Variants in TSPEAR observed in about 807,000 individuals in gnomAD.
The protein encoded by TSPEAR is thrombospondin-type laminin G domain and EAR repeat-containing protein.
In TSPEAR, 69 loss-of-function variants were observed where a neutral mutation model predicts 71.6. That is an observed-to-expected ratio of 0.96 (90% CI 0.79 to 1.18). TSPEAR has a LOEUF of 1.18. Ranked by LOEUF, TSPEAR falls within the 50% of genes most tolerant of loss-of-function variation. The pLI, the probability that TSPEAR is intolerant of heterozygous loss-of-function variation, is 0.00. For missense variants in TSPEAR, 971 were observed against 894.9 expected, an observed-to-expected ratio of 1.09 and a Z score of -1.09; for synonymous variants, 402 against 387.2, an observed-to-expected ratio of 1.04 and a Z score of -0.45.
intron 1 of TSPEAR, chr21:44,628,110 C>T: frequency 6.4e-7 from 1 of 1,561,796 alleles, no homozygotes. Flanking sequence ...GTCCTTGGAC[C>T]TCCCAGCCCA....
At chr21:44,633,178 G>A (rs765227352) in intron 1 of TSPEAR, among the ~76,000 whole-genome samples, 1 of 151,994 alleles carries the variant, frequency 6.6e-6, no homozygotes, top group Admixed American at 6.6e-5. Context: ...CTAATTTTAG[G>A]CTTCGTTGGT....
chr21:44,580,537 A>G lies in TSPEAR; in HGVS notation c.83-12532T>C, dbSNP rs5017209. Reference sequence around the variant, plus strand: ...GGCAGTCGTCCACTCGCCAGGAGTCAGAGCAAGCGCTGGAGCAGACGGACA... The same window carrying G: ...GGCAGTCGTCCACTCGCCAGGAGTCGGAGCAAGCGCTGGAGCAGACGGACA... On this transcript the variant is annotated intron_variant, in intron 1 of 11. Transcript: ENST00000323084. 7.1e-3 allele frequency: 11,499 copies of G among 1,613,710 alleles called. 461 individuals carry two copies. The African/African-American group carries it at 0.099, about 14-fold the overall frequency.
intron 1 of TSPEAR, chr21:44,591,121 G>T (rs1555926449): frequency 1.7e-6 from 1 of 589,720 alleles, no homozygotes; most frequent in Non-Finnish European, 3.1e-6. Context: ...TGAGACAGAG[G>T]CGGCTTTATT....
At chr21:44,653,181 C>A (rs1183586468) in intron 1 of TSPEAR, among the ~76,000 whole-genome samples, 1 of 152,032 alleles carries the variant, frequency 6.6e-6, no homozygotes, top group East Asian at 1.9e-4. Context: ...ATAAATGATG[C>A]TAGTCCTTGC....
intron 1 of TSPEAR, chr21:44,675,813 A>G: frequency 3.5e-6 from 2 of 578,730 alleles, no homozygotes; most frequent in Admixed American, 6.0e-5. Context: ...CCCTTCATGT[A>G]TCACTGCTGA....
intron 11 of TSPEAR, among the ~76,000 whole-genome samples, chr21:44,500,374 A>T (rs1555910995): frequency 1.3e-5 from 2 of 152,174 alleles, no homozygotes; most frequent in African/African-American, 4.8e-5. Context: ...GCCCCACGTC[A>T]GGGGCTGCCC....
intron 1 of TSPEAR, among the ~76,000 whole-genome samples, chr21:44,645,219 A>G (rs1984246565): frequency 1.3e-5 from 2 of 152,232 alleles, no homozygotes; most frequent in South Asian, 2.1e-4. Flanking sequence ...TCCAGAGTGC[A>G]GCTTCAAATA....
In TSPEAR at chr21:44,609,495, A is replaced by G. The variant is rs140779661; in HGVS notation, c.83-41490T>C. On this transcript the variant is annotated intron_variant, in intron 1 of 11. Coordinates refer to ENST00000323084, the MANE Select transcript of TSPEAR (RefSeq NM_144991.3). ...CAACATCAGAGAGAGATGAATGAAA[A>G]TCCAAAGACAAGAGTGAAGGGAGAT... Among the ~76,000 whole-genome samples, 852 of 152,340 alleles carry G rather than the reference A, an allele frequency of 5.6e-3. 11 individuals carry two copies. Among genetic ancestry groups the G allele is most frequent in the Non-Finnish European group, 7.0e-3 (478 of 68,034 alleles).
At chr21:44,615,643 G>A (rs1477345923) in intron 1 of TSPEAR, among the ~76,000 whole-genome samples, 1 of 150,122 alleles carries the variant, frequency 6.7e-6, no homozygotes, top group Non-Finnish European at 1.5e-5. Context: ...GGGTCTCTCT[G>A]CAGGTGCCTC....
At position 44,533,842 on chromosome 21, in the gene TSPEAR, G is replaced by C; in HGVS notation, c.385C>G (p.His129Asp). ...LGLRLSPAQLHFLFLREDTAG... is the reference protein window; with the variant it reads ...LGLRLSPAQLDFLFLREDTAG... The stretch of plus-strand genomic sequence containing the variant: ...GTGTCCTCGCGAAGGAACAGGAAGT[G>C]CAGCTGGGCAGGTGACAACCGCAGG... The change falls in exon 3 of 12, where the codon CAC (histidine) becomes GAC (aspartate). Residue 129 changes from histidine to aspartate, a missense_variant. His to Asp is a moderately conservative substitution (Grantham distance 81, BLOSUM62 -1). Transcript: ENST00000323084. 1 of 1,612,568 alleles carries C rather than the reference G, an allele frequency of 6.2e-7. No homozygotes were observed. The highest frequency in any genetic ancestry group is 8.5e-7 in the Non-Finnish European group (1 of 1,179,930).
intron 1 of TSPEAR, chr21:44,676,498 C>T: frequency 1.2e-6 from 1 of 820,866 alleles, no homozygotes; most frequent in Non-Finnish European, 2.1e-6. Context: ...GTGTTCGATT[C>T]CTCTGAGTCT....
chr21:44,521,741 C>T (rs587675650), intron 9 of TSPEAR, 142 bp downstream of exon 9: 1 of 760,746 alleles, frequency 1.3e-6, no homozygotes, highest in East Asian at 2.7e-5. Flanking sequence ...CAGGCCCTGC[C>T]TGGGTTTTGG....
chr21:44,608,440 G>C (rs1981449017), intron 1 of TSPEAR, among the ~76,000 whole-genome samples: 1 of 152,144 alleles, frequency 6.6e-6, no homozygotes, highest in Non-Finnish European at 1.5e-5. Context: ...GCAACCAATT[G>C]GGACTTTTGT....
At chr21:44,583,792 C>T (rs1293707841) in intron 1 of TSPEAR, among the ~76,000 whole-genome samples, 3 of 38,510 alleles carry the variant, frequency 7.8e-5, no homozygotes, top group Non-Finnish European at 4.0e-4. Flanking sequence ...TACATGTACA[C>T]ATTGTGTGAT....
At chr21:44,509,836 G>A in intron 9 of TSPEAR, 1 of 184,118 alleles carries the variant, frequency 5.4e-6, no homozygotes, top group South Asian at 1.1e-4. Context: ...CCAGTGCTGT[G>A]CGTCCTACGA....
In TSPEAR at chr21:44,499,667, T is replaced by C; in HGVS notation, c.*116A>G. 1 of 1,156,412 alleles carries C rather than the reference T, an allele frequency of 8.6e-7. No individual in the cohort carries two copies. The highest frequency in any genetic ancestry group is 1.2e-6 in the Non-Finnish European group (1 of 854,070). The allele number at this position is 1,156,412 out of a possible 1,614,324, so 71.6% of individuals were successfully genotyped here. A position where few individuals can be genotyped will look rare whatever the true frequency, so the allele number is the denominator to read the frequency against. On this transcript the variant is annotated 3_prime_UTR_variant, in exon 12 of 12. Transcript: ENST00000323084. ...ATGGCCCCACCTGCACCCTGCCTGA[T>C]GCCCAGGCCCGGGATGCCCTAGGCT...
chr21:44,610,477 T>C (rs1291588686), intron 1 of TSPEAR, among the ~76,000 whole-genome samples: 7 of 152,216 alleles, frequency 4.6e-5, no homozygotes, highest in Non-Finnish European at 8.8e-5. Flanking sequence ...AGAATTGAAG[T>C]TTGGGAACCT....
chr21:44,591,400 T>C, intron 1 of TSPEAR: 2 of 1,608,634 alleles, frequency 1.2e-6, no homozygotes, highest in Non-Finnish European at 1.7e-6. Context: ...GCAGCTGGAC[T>C]TCTGGCCAGA....
chr21:44,668,500 T>C (rs1555945315), intron 1 of TSPEAR, among the ~76,000 whole-genome samples: 8 of 152,208 alleles, frequency 5.3e-5, no homozygotes, highest in Admixed American at 5.2e-4. Flanking sequence ...GCAATCCCTG[T>C]CAAAATCCCA....
Sources: gnomAD v4.1 joint callset for allele counts (sites outside exome capture counted in the v4.1 genomes callset) on GRCh38, gnomAD v4.1.1 for gene constraint, MANE v1.5 for transcripts, NCBI Gene and HGNC (gene_info 2026-07-23, HGNC 2026-07-21) for gene names.